The following MCHR2 variants were observed in gnomAD, a reference collection of about 807,000 sequenced individuals.
MCHR2 encodes melanin concentrating hormone receptor 2.
MCHR2 carries 15 observed loss-of-function variants against 24.8 expected under a neutral mutation model. The observed-to-expected ratio is 0.60, with a 90% confidence interval of 0.40 to 0.93. The LOEUF (loss-of-function observed/expected upper bound fraction) is 0.93. Ranked by LOEUF, MCHR2 falls within the 40% of genes least tolerant of loss-of-function variation. The pLI is 0.00. For missense variants in MCHR2, 386 were observed against 408.7 expected (o/e 0.94, Z 0.48); for synonymous variants, 151 against 147.6 (o/e 1.02, Z -0.17).
intron 1 of MCHR2, among the ~76,000 whole-genome samples, chr6:99,975,247 G>C (rs1333697733): frequency 1.3e-5 from 2 of 152,164 alleles, no homozygotes; most frequent in Non-Finnish European, 2.9e-5. Flanking sequence ...AGGCTGCTTT[G>C]TTTACCTAAT....
At chr6:99,926,017 A>T (rs558138375) in intron 5 of MCHR2, among the ~76,000 whole-genome samples, 2 of 151,722 alleles carry the variant, frequency 1.3e-5, no homozygotes, top group African/African-American at 4.8e-5. Flanking sequence ...CCAGAGTGTG[A>T]TGTTCCCCTT....
Position 99,920,885 on chromosome 6 carries a change from T to C in MCHR2, c.*55A>G, listed in dbSNP as rs1364471324. 25 of 1,545,950 alleles carry C rather than the reference T, an allele frequency of 1.6e-5. No individual in the cohort carries two copies. The highest frequency in any genetic ancestry group is 2.1e-5 in the Non-Finnish European group (24 of 1,132,242). On this transcript the variant is annotated 3_prime_UTR_variant, in exon 6 of 6. Coordinates refer to ENST00000281806, the MANE Select transcript of MCHR2 (RefSeq NM_001040179.2). Reference sequence around the variant, plus strand: ...ATATCGGTACACCTGCCCTTTCTGATAATACCAGTAAGATAGACAATCATG... The same window carrying C: ...ATATCGGTACACCTGCCCTTTCTGACAATACCAGTAAGATAGACAATCATG...
intron 1 of MCHR2, among the ~76,000 whole-genome samples, chr6:99,961,680 G>T (rs1407465380): frequency 1.3e-5 from 2 of 152,202 alleles, no homozygotes; most frequent in East Asian, 3.9e-4. Context: ...CACAGGGTGG[G>T]GGACATCACA....
At chr6:99,993,237 C>T (rs1775919571) in intron 1 of MCHR2, among the ~76,000 whole-genome samples, 1 of 152,148 alleles carries the variant, frequency 6.6e-6, no homozygotes, top group African/African-American at 2.4e-5. Context: ...CTGTCAGAAG[C>T]CCCAGCTGAG....
intron 5 of MCHR2, among the ~76,000 whole-genome samples, chr6:99,922,130 G>A (rs1447886341): frequency 3.6e-5 from 5 of 139,894 alleles, no homozygotes; most frequent in Non-Finnish European, 7.7e-5. Context: ...TTTTTGAGAC[G>A]GAGTCTCGCT....
At chr6:99,963,172 C>G (rs968341637) in intron 1 of MCHR2, among the ~76,000 whole-genome samples, 2 of 151,980 alleles carry the variant, frequency 1.3e-5, no homozygotes, top group Non-Finnish European at 1.5e-5. Context: ...AAAGTTGGAA[C>G]TCTTGTGTAC....
chr6:99,949,346 C>T (rs1027948146), intron 2 of MCHR2, among the ~76,000 whole-genome samples: 1 of 152,134 alleles, frequency 6.6e-6, no homozygotes, highest in Non-Finnish European at 1.5e-5. Context: ...AAGGGGCCCC[C>T]TCCTCTTTCC....
chr6:99,981,391 G>A (rs1270116633), intron 1 of MCHR2, among the ~76,000 whole-genome samples: 1 of 152,140 alleles, frequency 6.6e-6, no homozygotes, highest in African/African-American at 2.4e-5. Flanking sequence ...TTTCACTACT[G>A]GACAGTGGCT....
chr6:99,928,993 C>A (rs2114494431), intron 5 of MCHR2, among the ~76,000 whole-genome samples: 1 of 152,154 alleles, frequency 6.6e-6, no homozygotes, highest in East Asian at 1.9e-4. Context: ...AAATTTCCCT[C>A]TACACTCTGC....
intron 1 of MCHR2, among the ~76,000 whole-genome samples, chr6:99,976,532 C>G (rs952696895): frequency 6.6e-6 from 1 of 152,206 alleles, no homozygotes; most frequent in Admixed American, 6.5e-5. Context: ...TGTGCCACAG[C>G]TCATCTCTCA....
intron 1 of MCHR2, among the ~76,000 whole-genome samples, chr6:99,981,900 T>C (rs1409937183): frequency 6.6e-6 from 1 of 152,194 alleles, no homozygotes; most frequent in Non-Finnish European, 1.5e-5. Context: ...GTTGTGTGTT[T>C]ACATGCACTT....
intron 1 of MCHR2, among the ~76,000 whole-genome samples, chr6:99,970,942 C>T (rs1775403381): frequency 6.6e-6 from 1 of 152,160 alleles, no homozygotes. Flanking sequence ...GGTACCAGTA[C>T]CATGCTGTTT....
At chr6:99,927,377 T>C (rs1312581718) in intron 5 of MCHR2, among the ~76,000 whole-genome samples, 3 of 152,158 alleles carry the variant, frequency 2.0e-5, no homozygotes, top group Admixed American at 1.3e-4. Flanking sequence ...GTGAAGAAGG[T>C]CATTGGTAGC....
chr6:99,982,658 A>G (rs1348236644), intron 1 of MCHR2, among the ~76,000 whole-genome samples: 2 of 151,772 alleles, frequency 1.3e-5, no homozygotes, highest in East Asian at 1.9e-4. Flanking sequence ...ACCACACCCA[A>G]TTTTAATTGG....
chr6:99,972,254 A>G (rs1384487704), intron 1 of MCHR2, among the ~76,000 whole-genome samples: 6 of 152,318 alleles, frequency 3.9e-5, no homozygotes, highest in Non-Finnish European at 8.8e-5. Context: ...TTATTGGTCT[A>G]TTCAGAGATT....
At chr6:99,957,302 A>G (rs745339686) in intron 1 of MCHR2, among the ~76,000 whole-genome samples, 3 of 152,116 alleles carry the variant, frequency 2.0e-5, no homozygotes, top group Non-Finnish European at 2.9e-5. Context: ...AGTTCCCTCT[A>G]TTCCCAGTTC....
rs571875661 is a variant in MCHR2 at position 99,959,158 on chromosome 6, GA to G, written c.-27-2985del. Among the ~76,000 whole-genome samples, 416 of 152,224 alleles carry G rather than the reference GA, an allele frequency of 2.7e-3. 2 individuals are homozygous for G. Among genetic ancestry groups the G allele is most frequent in the African/African-American group, 9.6e-3 (399 of 41,544 alleles). ...AGACCTCATGTACTCTGGATGCCTG[GA>G]AGGCCACTGGGAACAAAAAGAGTCA... On this transcript the variant is annotated intron_variant, in intron 1 of 5. Coordinates refer to ENST00000281806, the MANE Select transcript of MCHR2 (RefSeq NM_001040179.2).
chr6:99,985,922 A>T (rs1251159324), intron 1 of MCHR2, among the ~76,000 whole-genome samples: 1 of 152,216 alleles, frequency 6.6e-6, no homozygotes, highest in Non-Finnish European at 1.5e-5. Context: ...CAAACATTGC[A>T]TCTGACAAAG....
At chr6:99,954,815 T>C (rs1775028683) in intron 2 of MCHR2, among the ~76,000 whole-genome samples, 1 of 152,180 alleles carries the variant, frequency 6.6e-6, no homozygotes, top group Non-Finnish European at 1.5e-5. Context: ...TACTTTCTGA[T>C]GGTTTGATTT....
Sources: allele counts gnomAD v4.1 joint callset (sites outside exome capture counted in the v4.1 genomes callset), GRCh38; gene constraint gnomAD v4.1.1; transcripts MANE v1.5; gene names NCBI Gene and HGNC (gene_info 2026-07-23, HGNC 2026-07-21).